Variants in ADCK1 observed in about 807,000 individuals in gnomAD.
The protein encoded by ADCK1 is aarF domain-containing protein kinase 1.
Under a neutral mutation model 52.3 loss-of-function variants are expected in ADCK1, and 41 were observed. That is an observed-to-expected ratio of 0.78 (90% CI 0.61 to 1.02). The LOEUF (loss-of-function observed/expected upper bound fraction) is 1.02. Ranked by LOEUF, ADCK1 falls within the 50% of genes least tolerant of loss-of-function variation. ADCK1 has a pLI of 0.00. For missense variants in ADCK1, 658 were observed against 679.5 expected, an observed-to-expected ratio of 0.97 and a Z score of 0.35; for synonymous variants, 250 against 274.6, an observed-to-expected ratio of 0.91 and a Z score of 0.89.
intron 1 of ADCK1, among the ~76,000 whole-genome samples, chr14:77,801,607 C>A (rs6574402): frequency 0.85 from 128,587 of 152,088 alleles, 54,473 homozygotes; most frequent in African/African-American, 0.89. Context: ...TTACTTTCTG[C>A]TATGCAGTCA....
intron 7 of ADCK1, among the ~76,000 whole-genome samples, chr14:77,913,484 C>T (rs1466037164): frequency 6.6e-6 from 1 of 152,188 alleles, no homozygotes; most frequent in Non-Finnish European, 1.5e-5. Flanking sequence ...ATCATATTTG[C>T]CAGTCACTTT....
At chr14:77,918,611 A>G (rs998815644) in intron 7 of ADCK1, among the ~76,000 whole-genome samples, 1 of 152,158 alleles carries the variant, frequency 6.6e-6, no homozygotes, top group Non-Finnish European at 1.5e-5. Context: ...TCTGAGTAGG[A>G]GGGGGCTGGC....
intron 1 of ADCK1, among the ~76,000 whole-genome samples, chr14:77,818,640 T>C (rs953500530): frequency 3.9e-5 from 6 of 152,200 alleles, no homozygotes; most frequent in Admixed American, 3.9e-4. Flanking sequence ...GTGATCTATC[T>C]GTGTAAGCTC....
intron 5 of ADCK1, among the ~76,000 whole-genome samples, chr14:77,894,906 C>G (rs2083377390): frequency 6.6e-6 from 1 of 151,972 alleles, no homozygotes; most frequent in Non-Finnish European, 1.5e-5. Flanking sequence ...GCACATGCCA[C>G]TACACCTGGC....
At chr14:77,919,309 A>T (rs1366158388) in intron 7 of ADCK1, among the ~76,000 whole-genome samples, 1 of 152,250 alleles carries the variant, frequency 6.6e-6, no homozygotes, top group African/African-American at 2.4e-5. Context: ...CTCATAGATT[A>T]GCTACCACTT....
At chr14:77,900,146 C>T (rs1233446241) in intron 6 of ADCK1, among the ~76,000 whole-genome samples, 2 of 151,344 alleles carry the variant, frequency 1.3e-5, no homozygotes, top group Non-Finnish European at 2.9e-5. Context: ...GAATAAAAAC[C>T]AGTAGCATAG....
chr14:77,852,692 T>TTATATATA (rs2082324025), intron 3 of ADCK1, among the ~76,000 whole-genome samples: 1 of 102,572 alleles, frequency 9.7e-6, no homozygotes, highest in Non-Finnish European at 2.1e-5. Context: ...TATATATATA[T>TTATATATA]ATATATATAT....
At chr14:77,899,373 G>A (rs1453805682) in intron 6 of ADCK1, 115 bp downstream of exon 6, 14 of 1,373,740 alleles carry the variant, frequency 1.0e-5, no homozygotes, top group African/African-American at 1.4e-5. Context: ...TTCTTCCTGA[G>A]TCCTCTTACT....
chr14:77,805,106 T>C (rs1333921361), intron 1 of ADCK1, among the ~76,000 whole-genome samples: 1 of 149,064 alleles, frequency 6.7e-6, no homozygotes, highest in African/African-American at 2.5e-5. Context: ...CTTGGGAGGC[T>C]GAGGCAGGAG....
chr14:77,846,255 G>A (rs1036849852), intron 3 of ADCK1, among the ~76,000 whole-genome samples: 5 of 152,092 alleles, frequency 3.3e-5, no homozygotes, highest in South Asian at 2.1e-4. Context: ...TGCCACCCCC[G>A]TCTTCTCACA....
Position 77,887,117 on chromosome 14 carries a change from T to C in ADCK1, c.450T>C (p.Asp150=). The C allele has an allele frequency of 6.2e-7, 1 of 1,600,536 alleles. No individual in the cohort carries two copies. The highest frequency in any genetic ancestry group is 8.5e-7 in the Non-Finnish European group (1 of 1,173,840). ...TCCATGATTTGTTCCAGAGCTTCGA[T>C]GACACCCCTCTGGGGACGGCCTCCC... ...KEIHDLFQSF[D]DTPLGTASLA... Residue 150 remains aspartate, a synonymous_variant, in exon 5 of 11, where the codon GAT becomes GAC. Transcript: ENST00000238561.
intron 6 of ADCK1, among the ~76,000 whole-genome samples, chr14:77,903,598 G>A (rs1182307880): frequency 6.6e-6 from 1 of 152,228 alleles, no homozygotes; most frequent in Admixed American, 6.5e-5. Context: ...AGGACAAGTG[G>A]TAGGGTTTGT....
intron 3 of ADCK1, among the ~76,000 whole-genome samples, chr14:77,827,244 C>A (rs973350784): frequency 6.7e-6 from 1 of 149,162 alleles, no homozygotes; most frequent in Non-Finnish European, 1.5e-5. Flanking sequence ...CCCAGCTACT[C>A]GGGAGGCTGA....
At chr14:77,870,909 G>A (rs910199171) in intron 4 of ADCK1, among the ~76,000 whole-genome samples, 1 of 152,188 alleles carries the variant, frequency 6.6e-6, no homozygotes, top group Admixed American at 6.5e-5. Context: ...TGTCAGTATG[G>A]GCAGGGTGGA....
rs184435776 is a variant in ADCK1 at position 77,905,081 on chromosome 14, G to A, written c.742-2722G>A. Among the ~76,000 whole-genome samples the A allele has an allele frequency of 2.8e-3, 425 of 152,182 alleles. 5 individuals are homozygous for A. The highest frequency in any genetic ancestry group is 1.7e-3 in the Admixed American group (26 of 15,292). Reference sequence around the variant, plus strand: ...GTCCAGGGGCACCTGTGGTTCTGAAGCTCCCATGACAAATTCCACTGTTTC... The same window carrying A: ...GTCCAGGGGCACCTGTGGTTCTGAAACTCCCATGACAAATTCCACTGTTTC... On this transcript the variant is annotated intron_variant, in intron 6 of 10. Coordinates refer to ENST00000238561, the MANE Select transcript of ADCK1 (RefSeq NM_020421.4).
intron 3 of ADCK1, among the ~76,000 whole-genome samples, chr14:77,856,606 T>G (rs1031003711): frequency 1.3e-5 from 2 of 152,230 alleles, no homozygotes; most frequent in Admixed American, 6.5e-5. Context: ...TCCTTGGGCT[T>G]TGACTCCATC....
intron 7 of ADCK1, among the ~76,000 whole-genome samples, chr14:77,922,336 C>G (rs1291568093): frequency 6.6e-6 from 1 of 152,206 alleles, no homozygotes; most frequent in African/African-American, 2.4e-5. Context: ...ACACTGAGTG[C>G]AGGGATGTCT....
At chr14:77,886,958 C>T (rs1187355391) in intron 4 of ADCK1, 133 bp from the exon 5 acceptor site, 1 of 983,628 alleles carries the variant, frequency 1.0e-6, no homozygotes, top group Non-Finnish European at 1.4e-6. Flanking sequence ...CACACACACA[C>T]ACTCTCTCTC....
chr14:77,931,840 C>T (rs1566746716), intron 10 of ADCK1, 129 bp downstream of exon 10: 1 of 992,310 alleles, frequency 1.0e-6, no homozygotes, highest in Non-Finnish European at 1.4e-6. Flanking sequence ...CCAGATATCC[C>T]TGCAGGCAAA....
Sources: gnomAD v4.1 joint callset for allele counts (sites outside exome capture counted in the v4.1 genomes callset) on GRCh38, gnomAD v4.1.1 for gene constraint, MANE v1.5 for transcripts, NCBI Gene and HGNC (gene_info 2026-07-23, HGNC 2026-07-21) for gene names.